The following SLITRK4 variants were observed in gnomAD, a reference collection of about 807,000 sequenced individuals.
The protein encoded by SLITRK4 is SLIT and NTRK-like protein 4.
In SLITRK4, 7 loss-of-function variants were observed where a neutral mutation model predicts 34.7. The ratio of observed to expected loss-of-function variants is 0.20; its 90% CI spans 0.11 to 0.38. The LOEUF (loss-of-function observed/expected upper bound fraction) is 0.38. SLITRK4 is among the 10% of genes least tolerant of loss of function. SLITRK4 has a pLI of 1.00. For synonymous variants in SLITRK4, 237 were observed against 246.2 expected (o/e 0.96, Z 0.35); for missense variants, 474 against 607.0 (o/e 0.78, Z 2.30).
In SLITRK4 at chrX:143,631,013, G is replaced by A. The variant is rs1044876208; in HGVS notation, c.96C>T (p.Cys32=). 9.9e-6 allele frequency: 12 copies of A among 1,207,805 alleles called. No homozygotes were observed. The African/African-American group carries it at 1.9e-4, about 19-fold the overall frequency. ...ISVEICNVCS[C]VSVENVLYVN... is the part of the protein sequence containing the mutation. ...CATAGAGCACATTCTCAACTGACAC[G>A]CAGGAACACACATTGCAAATTTCCA... is the stretch of plus-strand genomic sequence containing the variant. Residue 32 remains cysteine (C), a synonymous_variant, in exon 2 of 2, where the codon TGC becomes TGT. Coordinates refer to ENST00000356928, the MANE Select transcript of SLITRK4 (RefSeq NM_001184749.3).
chrX:143,627,015 C>T lies in SLITRK4; in HGVS notation c.*1580G>A, dbSNP rs1930815319. 2 of 108,330 alleles carry T rather than the reference C, an allele frequency of 1.8e-5. No individual in the cohort carries two copies. The highest frequency in any genetic ancestry group is 3.8e-5 in the Non-Finnish European group (2 of 52,268). 8.9% of individuals were successfully genotyped at this position (108,330 alleles called of 1,213,427 possible). ...AGCTCCTACAAAAGTTCCGACATCA[C>T]CCATTATCAGTTACTTTATTCCTTT... On this transcript the variant is annotated 3_prime_UTR_variant, in exon 2 of 2. Transcript: ENST00000356928.
rs1556428051 is a variant in SLITRK4 at position 143,630,680 on chromosome X, G to T, written c.429C>A (p.Ile143=). Residue 143 remains isoleucine (I), a synonymous_variant, in exon 2 of 2, where the codon ATC becomes ATA. Transcript: ENST00000356928. ...LEYLQADYNL[I]KYIERGAFNK... ...TGAAGGCTCCTCGTTCAATATACTTGATTAAATTGTAGTCAGCCTGGAGAT... is the reference window on the plus strand; with the variant it reads ...TGAAGGCTCCTCGTTCAATATACTTTATTAAATTGTAGTCAGCCTGGAGAT... The T allele has an allele frequency of 8.3e-7, 1 of 1,211,090 alleles. No individual in the cohort carries two copies.
In SLITRK4 at chrX:143,627,985, TA is replaced by T. The variant is rs1556425813; in HGVS notation, c.*609del. On this transcript the variant is annotated 3_prime_UTR_variant, in exon 2 of 2. Coordinates refer to ENST00000356928, the MANE Select transcript of SLITRK4 (RefSeq NM_001184749.3). ...TAGTTATGTAATGTATGTTATATTT[TA>T]AACAAGTATTTGCACAAATTAACAT... The T allele has an allele frequency of 3.8e-6, 1 of 264,766 alleles. No homozygotes were observed. The highest frequency in any genetic ancestry group is 2.8e-5 in the African/African-American group (1 of 35,304). The allele number at this position is 264,766 out of a possible 1,213,427, so 21.8% of individuals were successfully genotyped here.
Position 143,626,363 on chromosome X carries a change from T to C in SLITRK4, c.*2232A>G, listed in dbSNP as rs1602924189. The C allele has an allele frequency of 9.0e-6, 1 of 111,501 alleles. No homozygotes were observed. The highest frequency in any genetic ancestry group is 2.8e-4 in the East Asian group (1 of 3,569). 9.2% of individuals were successfully genotyped at this position (111,501 alleles called of 1,213,427 possible). A position where few individuals can be genotyped will look rare whatever the true frequency, so the allele number is the denominator to read the frequency against. On this transcript the variant is annotated 3_prime_UTR_variant, in exon 2 of 2. Transcript: ENST00000356928. ...AAGCAATTATTTGTTTGAATTATTT[T>C]ATATTCATATAAAGTTTTCACAGAT...
chrX:143,635,487 C>CAT (rs1166537887), intron 1 of SLITRK4, among the ~76,000 whole-genome samples: 3 of 78,861 alleles, frequency 3.8e-5, no homozygotes, highest in African/African-American at 1.6e-4. Flanking sequence ...AAGGAACACA[C>CAT]ACACACACAC....
At chrX:143,631,578 A>G (rs1931041483) in intron 1 of SLITRK4, among the ~76,000 whole-genome samples, 1 of 109,562 alleles carries the variant, frequency 9.1e-6, no homozygotes, top group Non-Finnish European at 1.9e-5. Flanking sequence ...GTGGATATCT[A>G]TTCTCTAAGC....
Position 143,624,678 on chromosome X carries a change from CAAAT to C in SLITRK4, c.*3913_*3916del, listed in dbSNP as rs1930728050. 1 of 111,306 alleles carries C rather than the reference CAAAT, an allele frequency of 9.0e-6. No homozygotes were observed. Among genetic ancestry groups the C allele is most frequent in the Non-Finnish European group, 1.9e-5 (1 of 52,820 alleles). The allele number at this position is 111,306 out of a possible 1,213,427, so 9.2% of individuals were successfully genotyped here. A position where few individuals can be genotyped will look rare whatever the true frequency, so the allele number is the denominator to read the frequency against. ...ATTTTTCTGAAAAATAATGGAAAGA[CAAAT>C]ATATTTAACAAACTGTGGCTTCAGA... is the stretch of plus-strand genomic sequence containing the variant. On this transcript the variant is annotated 3_prime_UTR_variant, in exon 2 of 2. Transcript: ENST00000356928.
Position 143,623,549 on chromosome X carries a change from A to G in SLITRK4, c.*5046T>C, listed in dbSNP as rs1930694380. On this transcript the variant is annotated 3_prime_UTR_variant, in exon 2 of 2. Coordinates refer to ENST00000356928, the MANE Select transcript of SLITRK4 (RefSeq NM_001184749.3). ...AACACAATCCTATCAACCAGTAGAA[A>G]CTAAAAAGACATTAAATAAATAAAT... 1 of 110,716 alleles carries G rather than the reference A, an allele frequency of 9.0e-6. No homozygotes were observed. The highest frequency in any genetic ancestry group is 9.7e-5 in the Admixed American group (1 of 10,286). 9.1% of individuals were successfully genotyped at this position (110,716 alleles called of 1,213,427 possible).
At chrX:143,633,139 T>C (rs1446604343) in intron 1 of SLITRK4, among the ~76,000 whole-genome samples, 2 of 110,422 alleles carry the variant, frequency 1.8e-5, no homozygotes, top group Non-Finnish European at 3.8e-5. Context: ...GAAAAGGCAC[T>C]AGTAAGAGCC....
In SLITRK4 at chrX:143,636,045, G is replaced by C. The variant is rs1189972940; in HGVS notation, c.-361C>G. On this transcript the variant is annotated 5_prime_UTR_variant, in exon 1 of 2. Coordinates refer to ENST00000356928, the MANE Select transcript of SLITRK4 (RefSeq NM_001184749.3). ...AGCTGGGGGTGGGGATAGGGGATAG[G>C]GGATAGGGGTTGAGGAAAGAGAGGC... Among the ~76,000 whole-genome samples the C allele has an allele frequency of 9.6e-6, 1 of 104,635 alleles. No homozygotes were observed. The highest frequency in any genetic ancestry group is 3.1e-4 in the East Asian group (1 of 3,244). The allele number at this position is 104,635 out of a possible 115,157, so 90.9% of individuals were successfully genotyped here.
rs1417309356 is a variant in SLITRK4, at chrX:143,629,262, G to A, written c.1847C>T (p.Pro616Leu). 1.7e-6 allele frequency: 2 copies of A among 1,210,277 alleles called. No individual in the cohort carries two copies. The highest frequency in any genetic ancestry group is 2.2e-6 in the Non-Finnish European group (2 of 895,394). Residue 616 changes from proline to leucine, a missense_variant, in exon 2 of 2, where the codon CCT (proline) becomes CTT (leucine). Pro to Leu is a moderately conservative substitution (Grantham distance 98). Transcript: ENST00000356928. ...PIRSPPGGPV[P>L]LSILILSILV... ...GATACTTAAGATTAAAATAGACAGA[G>A]GCACTGGCCCACCAGGAGGACTTCG... is the stretch of plus-strand genomic sequence containing the variant.
chrX:143,624,182 C>T lies in SLITRK4; in HGVS notation c.*4413G>A, dbSNP rs1556425062. ...ACATTCATTTCTGCCCTCAAGTTAA[C>T]CGTAATGCAATTAGTTCATTTTCCA... On this transcript the variant is annotated 3_prime_UTR_variant, in exon 2 of 2. Transcript: ENST00000356928. 1.8e-5 allele frequency: 2 copies of T among 111,432 alleles called. No individual in the cohort carries two copies. Among genetic ancestry groups the T allele is most frequent in the African/African-American group, 6.5e-5 (2 of 30,768 alleles). The allele number at this position is 111,432 out of a possible 1,213,427, so 9.2% of individuals were successfully genotyped here. A position where few individuals can be genotyped will look rare whatever the true frequency, so the allele number is the denominator to read the frequency against.
intron 1 of SLITRK4, chrX:143,634,336 C>T (rs1447769833): frequency 8.9e-6 from 1 of 112,447 alleles, no homozygotes; most frequent in Non-Finnish European, 1.9e-5. Context: ...ACCGGCTCTT[C>T]CTCTGGTATT....
chrX:143,628,468 A>T lies in SLITRK4; in HGVS notation c.*127T>A. 2.0e-6 allele frequency: 1 copy of T among 497,280 alleles called. No homozygotes were observed. The highest frequency in any genetic ancestry group is 3.3e-6 in the Non-Finnish European group (1 of 304,991). 41.0% of individuals were successfully genotyped at this position (497,280 alleles called of 1,213,427 possible). A position where few individuals can be genotyped will look rare whatever the true frequency, so the allele number is the denominator to read the frequency against. On this transcript the variant is annotated 3_prime_UTR_variant, in exon 2 of 2. Coordinates refer to ENST00000356928, the MANE Select transcript of SLITRK4 (RefSeq NM_001184749.3). ...TTGACACATCTTTGCAGCTACAGTT[A>T]ATGAGACACCCTTGGAAACACCTGC...
At chrX:143,633,995 C>A (rs2124335842) in intron 1 of SLITRK4, among the ~76,000 whole-genome samples, 1 of 112,650 alleles carries the variant, frequency 8.9e-6, no homozygotes, top group East Asian at 2.9e-4. Flanking sequence ...CATTTCTCCG[C>A]GCGCTCCCGT....
intron 1 of SLITRK4, among the ~76,000 whole-genome samples, chrX:143,632,405 A>G (rs1212210675): frequency 1.8e-5 from 2 of 111,837 alleles, no homozygotes; most frequent in Admixed American, 1.9e-4. Context: ...TTCCTGGAAA[A>G]GATTAAACAA....
intron 1 of SLITRK4, among the ~76,000 whole-genome samples, chrX:143,633,816 C>G (rs1296364987): frequency 8.9e-6 from 1 of 111,866 alleles, no homozygotes; most frequent in Admixed American, 9.3e-5. Flanking sequence ...GGCGAGGAGG[C>G]TGGAGGGGCT....
intron 1 of SLITRK4, among the ~76,000 whole-genome samples, chrX:143,633,065 C>T (rs1556429489): frequency 9.0e-6 from 1 of 110,624 alleles, no homozygotes; most frequent in East Asian, 2.8e-4. Context: ...AATCTCAACA[C>T]ATCTGAAAAT....
chrX:143,628,131 T>C lies in SLITRK4; in HGVS notation c.*464A>G. The stretch of plus-strand genomic sequence containing the variant: ...TTTTTTTTTTTTTTTTTTTTTTACT[T>C]TTCAGATAATCTTTACACGGAGTTG... On this transcript the variant is annotated 3_prime_UTR_variant, in exon 2 of 2. Coordinates refer to ENST00000356928, the MANE Select transcript of SLITRK4 (RefSeq NM_001184749.3). 1 of 198,719 alleles carries C rather than the reference T, an allele frequency of 5.0e-6. No homozygotes were observed. The highest frequency in any genetic ancestry group is 8.6e-6 in the Non-Finnish European group (1 of 115,870). The allele number at this position is 198,719 out of a possible 1,213,427, so 16.4% of individuals were successfully genotyped here.
Sources: allele counts gnomAD v4.1 joint callset (sites outside exome capture counted in the v4.1 genomes callset), GRCh38; gene constraint gnomAD v4.1.1; transcripts MANE v1.5; gene names NCBI Gene and HGNC (gene_info 2026-07-23, HGNC 2026-07-21).